CCDC170: variants seen among roughly 807,000 people sequenced by gnomAD.
The protein encoded by CCDC170 is coiled-coil domain-containing protein 170.
A neutral mutation model predicts 72.6 loss-of-function variants in CCDC170; 69 were observed. The ratio of observed to expected loss-of-function variants is 0.95; its 90% CI spans 0.78 to 1.16. CCDC170 has a LOEUF of 1.16. Among genes scored for constraint, CCDC170 ranks in the 50% most tolerant of loss-of-function variants. The pLI is 0.00. For synonymous variants in CCDC170, 300 were observed against 303.9 expected (o/e 0.99, Z 0.13); for missense variants, 852 against 832.5 (o/e 1.02, Z -0.29).
At chr6:151,500,535 A>G (rs574938200) in intron 1 of CCDC170, among the ~76,000 whole-genome samples, 3 of 152,072 alleles carry the variant, frequency 2.0e-5, no homozygotes, top group Non-Finnish European at 2.9e-5. Flanking sequence ...TATTTATGAA[A>G]GACACATTTA....
At chr6:151,538,810 T>C (rs1338640909) in intron 3 of CCDC170, among the ~76,000 whole-genome samples, 3 of 152,226 alleles carry the variant, frequency 2.0e-5, no homozygotes, top group African/African-American at 4.8e-5. Context: ...GAATGAGTTG[T>C]TCCTAAAATA....
chr6:151,579,439 A>G (rs1776350577), intron 6 of CCDC170, among the ~76,000 whole-genome samples: 1 of 152,202 alleles, frequency 6.6e-6, no homozygotes, highest in Non-Finnish European at 1.5e-5. Context: ...GTGATCTGAT[A>G]GAGTGCAGGA....
At chr6:151,575,463 G>T (rs1405359825) in intron 6 of CCDC170, among the ~76,000 whole-genome samples, 1 of 144,048 alleles carries the variant, frequency 6.9e-6, no homozygotes, top group Non-Finnish European at 1.5e-5. Context: ...TGAAATTCAC[G>T]CATACTCTAG....
At chr6:151,522,936 A>T (rs148989576) in intron 1 of CCDC170, among the ~76,000 whole-genome samples, 120 of 152,218 alleles carry the variant, frequency 7.9e-4, no homozygotes, top group African/African-American at 2.7e-3. Context: ...TTTCTTAATA[A>T]GCTTGCTTTT....
chr6:151,612,578 T>G (rs1776891119), intron 9 of CCDC170, among the ~76,000 whole-genome samples: 1 of 152,200 alleles, frequency 6.6e-6, no homozygotes, highest in Non-Finnish European at 1.5e-5. Flanking sequence ...GCAGCCTAGT[T>G]AGCATAGACT....
intron 9 of CCDC170, among the ~76,000 whole-genome samples, chr6:151,609,753 A>C (rs1276277627): frequency 6.6e-6 from 1 of 152,178 alleles, no homozygotes; most frequent in Non-Finnish European, 1.5e-5. Flanking sequence ...GCTGGGTTTG[A>C]GGCTTTCTTC....
At chr6:151,548,269 T>C in intron 4 of CCDC170, 35 bp from the exon 5 acceptor site, 1 of 1,476,170 alleles carries the variant, frequency 6.8e-7, no homozygotes. Flanking sequence ...AAATTGTTAA[T>C]TTTTATAGGA....
chr6:151,518,888 G>A (rs1782273869), intron 1 of CCDC170, among the ~76,000 whole-genome samples: 1 of 152,150 alleles, frequency 6.6e-6, no homozygotes, highest in African/African-American at 2.4e-5. Flanking sequence ...ACATGCTTCA[G>A]AGGGCAAAAA....
At chr6:151,530,868 G>A (rs908944924) in intron 1 of CCDC170, among the ~76,000 whole-genome samples, 8 of 152,108 alleles carry the variant, frequency 5.3e-5, no homozygotes, top group African/African-American at 1.9e-4. Flanking sequence ...TGGCCCTTCT[G>A]ATAATTGTTA....
intron 1 of CCDC170, among the ~76,000 whole-genome samples, chr6:151,533,264 C>A (rs976345275): frequency 6.6e-6 from 1 of 151,548 alleles, no homozygotes; most frequent in African/African-American, 2.4e-5. Flanking sequence ...CCATGTTAGC[C>A]AGGATGGTCT....
At position 151,531,168 on chromosome 6, in the gene CCDC170, G is replaced by C. The variant is rs372974851; in HGVS notation, c.58-5150G>C. Among the ~76,000 whole-genome samples the C allele has an allele frequency of 5.9e-5, 9 of 152,260 alleles. No homozygotes were observed. The East Asian group carries it at 1.5e-3, about 26-fold the overall frequency. On this transcript the variant is annotated intron_variant, in intron 1 of 10. Transcript: ENST00000239374. ...CCTTACCTCCAAGAAGATGGTATTAGGAGATGGGACCTTTGGGAGAAGATG... is the reference window on the plus strand; with the variant it reads ...CCTTACCTCCAAGAAGATGGTATTACGAGATGGGACCTTTGGGAGAAGATG...
chr6:151,538,242 T>C lies in CCDC170; in HGVS notation c.384T>C (p.Ala128=), dbSNP rs1782626130. 2 of 1,613,796 alleles carry C rather than the reference T, an allele frequency of 1.2e-6. No individual in the cohort carries two copies. ...TCAGAACAGAAATCACAGCTCACGC[T>C]GCAATCAAGGAGAACCAGGAATTAA... ...SKIRTEITAH[A]AIKENQELKK... The change falls in exon 3 of 11, where the codon GCT becomes GCC. Residue 128 remains alanine, a synonymous_variant. Transcript: ENST00000239374.
At chr6:151,581,233 A>C (rs1403585910) in intron 6 of CCDC170, among the ~76,000 whole-genome samples, 1 of 152,216 alleles carries the variant, frequency 6.6e-6, no homozygotes, top group Non-Finnish European at 1.5e-5. Flanking sequence ...GCGCTTTACC[A>C]ACAGCAGAAC....
At chr6:151,586,930 G>T (rs947026522) in intron 7 of CCDC170, among the ~76,000 whole-genome samples, 2 of 151,774 alleles carry the variant, frequency 1.3e-5, no homozygotes, top group Non-Finnish European at 2.9e-5. Context: ...GATTACAGGC[G>T]CCCGCCACCA....
rs139357876 is a variant in CCDC170 at position 151,550,842 on chromosome 6, G to A, written c.774+2353G>A. Among the ~76,000 whole-genome samples the A allele has an allele frequency of 4.2e-3, 645 of 152,204 alleles. 2 individuals carry two copies. Among genetic ancestry groups the A allele is most frequent in the African/African-American group, 0.015 (608 of 41,516 alleles). ...TCCTTCTAAGGGCACTAATCCCATC[G>A]TGAGGTCCCCACCCTCAAAACTTCA... is the stretch of plus-strand genomic sequence containing the variant. On this transcript the variant is annotated intron_variant, in intron 5 of 10. Transcript: ENST00000239374.
chr6:151,497,971 A>G (rs971957819), intron 1 of CCDC170, among the ~76,000 whole-genome samples: 31 of 151,656 alleles, frequency 2.0e-4, no homozygotes, highest in Middle Eastern at 3.4e-3. Context: ...AAAAAAAAAA[A>G]AAAAGAAAAG....
chr6:151,498,328 T>C lies in CCDC170; in HGVS notation c.57+4143T>C, dbSNP rs75866934. ...AAAACAAAGGACTTAGAGCTGGTCA[T>C]AGCTAACTATAAAGGAGTTAAAGTC... is the stretch of plus-strand genomic sequence containing the variant. On this transcript the variant is annotated intron_variant, in intron 1 of 10. Transcript: ENST00000239374. Among the ~76,000 whole-genome samples the C allele has an allele frequency of 2.2e-4, 33 of 152,370 alleles. 1 individual carries two copies. In the East Asian group the frequency reaches 6.4e-3, roughly 29 times the overall value.
intron 9 of CCDC170, 108 bp downstream of exon 9, chr6:151,596,685 G>C (rs1418736432): frequency 6.9e-7 from 1 of 1,451,752 alleles, no homozygotes; most frequent in Non-Finnish European, 9.2e-7. Context: ...AAAGATGAAA[G>C]CCTCCTCTGA....
At chr6:151,568,111 A>G (rs1000771471) in intron 5 of CCDC170, among the ~76,000 whole-genome samples, 11 of 150,390 alleles carry the variant, frequency 7.3e-5, no homozygotes, top group African/African-American at 2.4e-4. Flanking sequence ...CTCTGAAAAA[A>G]AAAAAAAAAA....
Sources: gnomAD v4.1 joint callset for allele counts (sites outside exome capture counted in the v4.1 genomes callset) on GRCh38, gnomAD v4.1.1 for gene constraint, MANE v1.5 for transcripts, NCBI Gene and HGNC (gene_info 2026-07-23, HGNC 2026-07-21) for gene names.